SLC22A16: variants seen among roughly 807,000 people sequenced by gnomAD.
SLC22A16 encodes solute carrier family 22 member 16.
In SLC22A16, 53 loss-of-function variants were observed where a neutral mutation model predicts 52.9. The observed-to-expected ratio is 1.00, with a 90% CI of 0.80 to 1.26. SLC22A16 has a LOEUF of 1.26. SLC22A16 is among the 50% of genes most tolerant of loss of function. The pLI is 0.00. For missense variants in SLC22A16, 726 were observed against 704.0 expected (o/e 1.03, Z -0.35); for synonymous variants, 291 against 268.8 (o/e 1.08, Z -0.81).
At chr6:110,442,801 T>C (rs1775030039) in intron 3 of SLC22A16, 26 bp from the exon 4 acceptor site, 3 of 1,595,402 alleles carry the variant, frequency 1.9e-6, no homozygotes, top group Non-Finnish European at 2.6e-6. Flanking sequence ...TAGGGATTTA[T>C]ATTCAAGGTC....
At chr6:110,436,043 A>G in intron 5 of SLC22A16, 82 bp from the exon 6 acceptor site, 1 of 876,700 alleles carries the variant, frequency 1.1e-6, no homozygotes, top group South Asian at 1.5e-5. Flanking sequence ...ATTACTTAAA[A>G]CATTCTAATT....
At chr6:110,468,071 TG>T (rs1562301253) in intron 1 of SLC22A16, among the ~76,000 whole-genome samples, 5 of 152,260 alleles carry the variant, frequency 3.3e-5, no homozygotes. Context: ...CACCACAGGC[TG>T]GTCATGTTGG....
chr6:110,451,245 C>A (rs913365004), intron 2 of SLC22A16, among the ~76,000 whole-genome samples: 2 of 152,160 alleles, frequency 1.3e-5, no homozygotes, highest in Non-Finnish European at 2.9e-5. Context: ...GAGTGCAGGG[C>A]TGTTAGGAAC....
intron 7 of SLC22A16, among the ~76,000 whole-genome samples, chr6:110,427,979 A>T (rs531758689): frequency 8.6e-4 from 131 of 152,346 alleles, no homozygotes; most frequent in African/African-American, 3.1e-3. Flanking sequence ...AGCACCTAGC[A>T]GGGTGGCTAG....
intron 2 of SLC22A16, among the ~76,000 whole-genome samples, chr6:110,448,306 A>C (rs1340444402): frequency 6.6e-6 from 1 of 152,222 alleles, no homozygotes; most frequent in Non-Finnish European, 1.5e-5. Context: ...CTTTAGAGAA[A>C]TGTTTATCCA....
At position 110,454,824 on chromosome 6, in the gene SLC22A16, T is replaced by TTA. The variant is rs564988090; in HGVS notation, c.533+1712_533+1713dup. Among the ~76,000 whole-genome samples, 26 of 6,198 alleles carry TTA rather than the reference T, an allele frequency of 4.2e-3. 1 individual carries two copies. Among genetic ancestry groups the TTA allele is most frequent in the Admixed American group, 5.1e-3 (2 of 396 alleles). 4.1% of individuals were successfully genotyped at this position (6,198 alleles called of 152,430 possible). ...TAATATATATATTATATATGTTATA[T>TTA]TATATAATATATATATTATAATATA... On this transcript the variant is annotated intron_variant, in intron 2 of 7. Coordinates refer to ENST00000368919, the MANE Select transcript of SLC22A16 (RefSeq NM_033125.4).
chr6:110,472,903 T>C (rs994962409), intron 1 of SLC22A16, among the ~76,000 whole-genome samples: 6 of 152,214 alleles, frequency 3.9e-5, no homozygotes, highest in Admixed American at 3.9e-4. Flanking sequence ...TGAAGAAAAC[T>C]GCTTTCAGTC....
chr6:110,438,693 T>C (rs1451623690), intron 5 of SLC22A16, 27 bp downstream of exon 5: 15 of 1,604,628 alleles, frequency 9.3e-6, no homozygotes, highest in Non-Finnish European at 1.3e-5. Flanking sequence ...AGTATAACTG[T>C]CTTATAAAAA....
At chr6:110,453,955 T>A (rs113248386) in intron 2 of SLC22A16, among the ~76,000 whole-genome samples, 3 of 152,216 alleles carry the variant, frequency 2.0e-5, no homozygotes, top group African/African-American at 4.8e-5. Flanking sequence ...AACAATCCAC[T>A]CTTGCAGGAA....
chr6:110,454,881 A>G (rs1775573494), intron 2 of SLC22A16, among the ~76,000 whole-genome samples: 2 of 85,266 alleles, frequency 2.3e-5, no homozygotes, highest in Admixed American at 4.1e-4. Flanking sequence ...TATAATATAT[A>G]TATTATAATA....
At chr6:110,474,044 G>A (rs951080719) in intron 1 of SLC22A16, among the ~76,000 whole-genome samples, 4 of 152,084 alleles carry the variant, frequency 2.6e-5, no homozygotes, top group East Asian at 1.9e-4. Context: ...TCAGATCAGC[G>A]GCGGCATTAG....
At position 110,442,752 on chromosome 6, in the gene SLC22A16, C is replaced by T; in HGVS notation, c.675G>A (p.Val225=). 6.2e-7 allele frequency: 1 copy of T among 1,613,424 alleles called. No individual in the cohort carries two copies. The highest frequency in any genetic ancestry group is 1.1e-5 in the South Asian group (1 of 90,950). The change falls in exon 4 of 8, where the codon GTG becomes GTA. Residue 225 remains valine (V), a synonymous_variant. Coordinates refer to ENST00000368919, the MANE Select transcript of SLC22A16 (RefSeq NM_033125.4). ...TGAATTCCATCACATAGACAAACCC[C>T]ACCACAAGATAGCCACTTGCAACCT... The part of the protein sequence containing the change: ...LAMVASGYLV[V]GFVYVMEFIG...
chr6:110,424,895 C>T lies in SLC22A16; in HGVS notation c.1712G>A (p.Arg571Lys). 2 of 1,614,102 alleles carry T rather than the reference C, an allele frequency of 1.2e-6. No individual in the cohort carries two copies. The highest frequency in any genetic ancestry group is 1.7e-6 in the Non-Finnish European group (2 of 1,180,014). ...CATTTATTCACCAAGACCAGAATCC[C>T]TGGGGGTAATCGCTTCCGTTTTTTC... Reference protein sequence around the residue: ...GLEKTEAITPRDSGLGE With the variant: ...GLEKTEAITPKDSGLGE Residue 571 changes from arginine to lysine, a missense_variant, in exon 8 of 8, where the codon AGG (arginine) becomes AAG (lysine). By Grantham distance (26) the Arg-to-Lys change is conservative. Coordinates refer to ENST00000368919, the MANE Select transcript of SLC22A16 (RefSeq NM_033125.4).
chr6:110,438,231 G>A (rs1174041628), intron 5 of SLC22A16, among the ~76,000 whole-genome samples: 2 of 152,190 alleles, frequency 1.3e-5, no homozygotes, highest in African/African-American at 2.4e-5. Context: ...TGATGATGCT[G>A]GAAGGTGTGA....
In SLC22A16 at chr6:110,424,757, C is replaced by A. The variant is rs535646071; in HGVS notation, c.*116G>T. The A allele has an allele frequency of 9.1e-5, 110 of 1,210,226 alleles. No homozygotes were observed. The African/African-American group carries it at 1.6e-3, about 18-fold the overall frequency. 75.0% of individuals were successfully genotyped at this position (1,210,226 alleles called of 1,614,324 possible). On this transcript the variant is annotated 3_prime_UTR_variant, in exon 8 of 8. Transcript: ENST00000368919. Reference sequence around the variant, plus strand: ...ACATATTTGCTTTAAAATTTTCTTACAAAATTTATTAAAAAGACATACAAA... The same window carrying A: ...ACATATTTGCTTTAAAATTTTCTTAAAAAATTTATTAAAAAGACATACAAA...
chr6:110,454,583 TA>T (rs1426721470), intron 2 of SLC22A16, among the ~76,000 whole-genome samples: 3 of 105,138 alleles, frequency 2.9e-5, no homozygotes, highest in African/African-American at 1.1e-4. Context: ...AATATTTATA[TA>T]TAATATATAT....
chr6:110,462,743 G>A (rs986390410), intron 1 of SLC22A16, among the ~76,000 whole-genome samples: 1 of 151,978 alleles, frequency 6.6e-6, no homozygotes, highest in African/African-American at 2.4e-5. Flanking sequence ...TGCTATAGAG[G>A]TAGACATTCA....
chr6:110,447,047 C>T, intron 2 of SLC22A16, 57 bp from the exon 3 acceptor site: 1 of 1,352,406 alleles, frequency 7.4e-7, no homozygotes, highest in Non-Finnish European at 1.0e-6. Context: ...ACAGTTTAAA[C>T]ATCCACTCCA....
At chr6:110,454,665 ATT>A (rs1242942153) in intron 2 of SLC22A16, among the ~76,000 whole-genome samples, 772 of 45,258 alleles carry the variant, frequency 0.017, 21 homozygotes, top group African/African-American at 0.096. Context: ...TATTATATAT[ATT>A]TATATATATT....
Sources: gnomAD v4.1 joint callset for allele counts (sites outside exome capture counted in the v4.1 genomes callset) on GRCh38, gnomAD v4.1.1 for gene constraint, MANE v1.5 for transcripts, NCBI Gene and HGNC (gene_info 2026-07-23, HGNC 2026-07-21) for gene names.